Variants in UBE2G1 observed in about 807,000 individuals in gnomAD.
The protein encoded by UBE2G1 is ubiquitin-conjugating enzyme E2 G1.
In UBE2G1, 5 loss-of-function variants were observed where a neutral mutation model predicts 22.7. That is an observed-to-expected ratio of 0.22 (90% confidence interval 0.12 to 0.46). The LOEUF is 0.46. Among genes scored for constraint, UBE2G1 ranks in the 20% least tolerant of loss-of-function variants. UBE2G1 has a pLI of 0.99. For missense variants in UBE2G1, 88 were observed against 203.9 expected (o/e 0.43, Z 3.46); for synonymous variants, 74 against 67.5 (o/e 1.10, Z -0.47).
At chr17:4,283,539 C>G (rs1968921346) in intron 4 of UBE2G1, among the ~76,000 whole-genome samples, 1 of 152,152 alleles carries the variant, frequency 6.6e-6, no homozygotes, top group African/African-American at 2.4e-5. Flanking sequence ...GGATTACCAA[C>G]TCTCCCTATT....
intron 3 of UBE2G1, among the ~76,000 whole-genome samples, chr17:4,295,275 C>T (rs991158752): frequency 1.3e-5 from 2 of 152,220 alleles, no homozygotes; most frequent in Non-Finnish European, 2.9e-5. Context: ...TTAATGCATT[C>T]TGCCATCAAC....
At chr17:4,302,812 G>A (rs542962173) in intron 2 of UBE2G1, 2 of 183,008 alleles carry the variant, frequency 1.1e-5, no homozygotes, top group South Asian at 1.2e-4. Flanking sequence ...GGAATGGCAA[G>A]TTGTATTTAT....
intron 3 of UBE2G1, among the ~76,000 whole-genome samples, chr17:4,292,467 C>G (rs1487669895): frequency 6.6e-6 from 1 of 152,160 alleles, no homozygotes; most frequent in Non-Finnish European, 1.5e-5. Context: ...TATTTACTTA[C>G]TACTCAGGTA....
At chr17:4,312,659 G>A (rs541258358) in intron 1 of UBE2G1, among the ~76,000 whole-genome samples, 1,526 of 132,732 alleles carry the variant, frequency 0.011, 27 homozygotes, top group African/African-American at 0.041. Flanking sequence ...TCGCGCCACT[G>A]CACTCCAGCC....
chr17:4,361,782 A>T (rs141451292), intron 1 of UBE2G1, among the ~76,000 whole-genome samples: 8 of 152,084 alleles, frequency 5.3e-5, no homozygotes, highest in Non-Finnish European at 1.2e-4. Context: ...TCTACTAAAA[A>T]TACAAAAAAT....
intron 1 of UBE2G1, among the ~76,000 whole-genome samples, chr17:4,354,887 T>C (rs542845599): frequency 6.6e-6 from 1 of 151,382 alleles, no homozygotes; most frequent in African/African-American, 2.4e-5. Context: ...CAGTAGGCCA[T>C]CATCACATCC....
At chr17:4,358,258 T>G (rs1969929277) in intron 1 of UBE2G1, among the ~76,000 whole-genome samples, 1 of 152,208 alleles carries the variant, frequency 6.6e-6, no homozygotes, top group African/African-American at 2.4e-5. Context: ...AAATGTTTCT[T>G]GGTGTCTTTT....
chr17:4,275,181 A>G (rs1334077138), intron 5 of UBE2G1, among the ~76,000 whole-genome samples: 2 of 152,212 alleles, frequency 1.3e-5, no homozygotes, highest in African/African-American at 2.4e-5. Context: ...TACCCTTTTC[A>G]GCAGAGGAAA....
At chr17:4,294,415 CAAAAAAAAAAAAA>C (rs68047533) in intron 3 of UBE2G1, among the ~76,000 whole-genome samples, 1 of 117,202 alleles carries the variant, frequency 8.5e-6, no homozygotes, top group African/African-American at 4.4e-5. Flanking sequence ...GACTCCGTCT[CAAAAAAAAAAAAA>C]AAAAAAAAAA....
At chr17:4,323,015 A>AT (rs1292911005) in intron 1 of UBE2G1, among the ~76,000 whole-genome samples, 1 of 152,276 alleles carries the variant, frequency 6.6e-6, no homozygotes, top group Non-Finnish European at 1.5e-5. Context: ...ACATAAATGC[A>AT]TAACATTAAA....
Position 4,272,308 on chromosome 17 carries a change from A to G in UBE2G1, c.*246T>C, listed in dbSNP as rs1286697664. The stretch of plus-strand genomic sequence containing the variant: ...GTTGTGCTATGTACAGGTCTTTACA[A>G]TTCTTCCTGAAGGTTAAAACAGTTC... On this transcript the variant is annotated 3_prime_UTR_variant, in exon 6 of 6. Transcript: ENST00000396981. The G allele has an allele frequency of 6.2e-6, 1 of 160,090 alleles. No homozygotes were observed. The highest frequency in any genetic ancestry group is 1.4e-5 in the Non-Finnish European group (1 of 73,060). 9.9% of individuals were successfully genotyped at this position (160,090 alleles called of 1,614,324 possible).
At chr17:4,365,933 C>T (rs1030704777) in intron 1 of UBE2G1, among the ~76,000 whole-genome samples, 2 of 152,074 alleles carry the variant, frequency 1.3e-5, no homozygotes, top group Admixed American at 6.5e-5. Context: ...CCGGGACCCG[C>T]CCCTCCAAGC....
At chr17:4,364,192 A>C (rs2143841493) in intron 1 of UBE2G1, 1 of 138,548 alleles carries the variant, frequency 7.2e-6, no homozygotes. Flanking sequence ...TGAACCCAGG[A>C]GGCAGAGGTT....
intron 1 of UBE2G1, among the ~76,000 whole-genome samples, chr17:4,328,808 G>A (rs1266794542): frequency 3.9e-5 from 6 of 152,270 alleles, no homozygotes; most frequent in East Asian, 3.9e-4. Flanking sequence ...AATGGTGGGC[G>A]GGGCGCGGTG....
intron 4 of UBE2G1, among the ~76,000 whole-genome samples, chr17:4,288,529 A>G (rs868194648): frequency 1.1e-4 from 16 of 152,040 alleles, no homozygotes; most frequent in African/African-American, 2.9e-4. Flanking sequence ...CCCAGCCCCG[A>G]TTCCTTACTT....
intron 1 of UBE2G1, among the ~76,000 whole-genome samples, chr17:4,317,856 C>T (rs1315311331): frequency 6.6e-6 from 1 of 152,180 alleles, no homozygotes; most frequent in Non-Finnish European, 1.5e-5. Context: ...CAAGATTTGT[C>T]GCAGCAGGAA....
At chr17:4,327,190 G>A (rs1969512385) in intron 1 of UBE2G1, among the ~76,000 whole-genome samples, 1 of 152,178 alleles carries the variant, frequency 6.6e-6, no homozygotes, top group Non-Finnish European at 1.5e-5. Context: ...CAGCTACTCG[G>A]GAGGCTGAGG....
At chr17:4,334,021 T>C (rs183234842) in intron 1 of UBE2G1, among the ~76,000 whole-genome samples, 5 of 151,950 alleles carry the variant, frequency 3.3e-5, no homozygotes, top group Admixed American at 1.3e-4. Flanking sequence ...ATAGCAGGTC[T>C]TGAATTGTGG....
At chr17:4,274,875 C>A (rs932172986) in intron 5 of UBE2G1, among the ~76,000 whole-genome samples, 13 of 78,056 alleles carry the variant, frequency 1.7e-4, no homozygotes, top group Non-Finnish European at 3.1e-5. Flanking sequence ...CAACAGGAGA[C>A]CCTTGTCTGT....
Sources: allele counts gnomAD v4.1 joint callset (sites outside exome capture counted in the v4.1 genomes callset), GRCh38; gene constraint gnomAD v4.1.1; transcripts MANE v1.5; gene names NCBI Gene and HGNC (gene_info 2026-07-23, HGNC 2026-07-21).